The following VPS9D1 variants were observed in gnomAD, a reference collection of about 807,000 sequenced individuals.
VPS9D1 encodes the protein VPS9 domain-containing protein 1.
VPS9D1 carries 78 observed loss-of-function variants against 75.8 expected under a neutral mutation model. The observed-to-expected ratio is 1.03, with a 90% CI of 0.86 to 1.24. The LOEUF (loss-of-function observed/expected upper bound fraction) is 1.24, where lower values mean the gene tolerates loss of function less well. VPS9D1 is among the 50% of genes most tolerant of loss of function. The pLI, the probability that VPS9D1 is intolerant of heterozygous loss-of-function variation, is 0.00. For synonymous variants in VPS9D1, 481 were observed against 385.6 expected (o/e 1.25, Z -2.90); for missense variants, 1,057 against 847.7 (o/e 1.25, Z -3.07).
intron 4 of VPS9D1, among the ~76,000 whole-genome samples, chr16:89,713,988 G>A (rs886386036): frequency 5.3e-5 from 8 of 152,130 alleles, no homozygotes; most frequent in African/African-American, 9.7e-5. Context: ...CCAGGCTGGA[G>A]TGCAGTGACA....
chr16:89,713,756 C>T (rs2060996542), intron 4 of VPS9D1, among the ~76,000 whole-genome samples: 1 of 151,578 alleles, frequency 6.6e-6, no homozygotes, highest in Non-Finnish European at 1.5e-5. Flanking sequence ...CGCCTGTAAT[C>T]CCAGCACTTT....
chr16:89,711,477 C>T (rs1597909501), intron 8 of VPS9D1, 65 bp from the exon 9 acceptor site: 1 of 1,452,288 alleles, frequency 6.9e-7, no homozygotes, highest in Non-Finnish European at 9.4e-7. Context: ...CGCCTCATCT[C>T]CCACCAGTGC....
rs371035771 is a variant in VPS9D1, at chr16:89,710,989, C to T, written c.855G>A (p.Ala285=). The T allele has an allele frequency of 6.6e-5, 95 of 1,440,178 alleles. No homozygotes were observed. The African/African-American group carries it at 1.1e-3, about 16-fold the overall frequency. The allele number at this position is 1,440,178 out of a possible 1,614,324, so 89.2% of individuals were successfully genotyped here. A position where few individuals can be genotyped will look rare whatever the true frequency, so the allele number is the denominator to read the frequency against. Residue 285 remains alanine (A), a synonymous_variant, in exon 10 of 15, where the codon GCG becomes GCA. Coordinates refer to ENST00000389386, the MANE Select transcript of VPS9D1 (RefSeq NM_004913.3). ...AGCACTGCAGCCGCCTCAGGAGCTG[C>T]GCGATCGGGTGGTCGGGGAGGCTGC... ...HLLSLPDHPI[A]QLLRRLQCSV...
chr16:89,707,675 A>G lies in VPS9D1; in HGVS notation c.*186T>C. 1 of 584,456 alleles carries G rather than the reference A, an allele frequency of 1.7e-6. No individual in the cohort carries two copies. The highest frequency in any genetic ancestry group is 2.9e-5 in the East Asian group (1 of 34,626). 36.2% of individuals were successfully genotyped at this position (584,456 alleles called of 1,614,324 possible). A position where few individuals can be genotyped will look rare whatever the true frequency, so the allele number is the denominator to read the frequency against. On this transcript the variant is annotated 3_prime_UTR_variant, in exon 15 of 15. Coordinates refer to ENST00000389386, the MANE Select transcript of VPS9D1 (RefSeq NM_004913.3). ...GGCAGAGGTGCCAACCCCAAGCTCC[A>G]GGGTCAGATGTGAGGTGAGGAAGGT...
At chr16:89,715,515 C>T (rs1212053762) in intron 4 of VPS9D1, among the ~76,000 whole-genome samples, 6 of 151,656 alleles carry the variant, frequency 4.0e-5, no homozygotes, top group South Asian at 4.2e-4. Flanking sequence ...CGTGAGCCAC[C>T]GCGCCCGGTC....
Position 89,720,877 on chromosome 16 carries a change from A to AGGC in VPS9D1, c.-19_-17dup, listed in dbSNP as rs2061247238. ...CAGCGGCCATGGCGCCGAGCGGGGG[A>AGGC]GGCGGCGGCGGTAGCCGAGGGGCTG... is the stretch of plus-strand genomic sequence containing the variant. On this transcript the variant is annotated 5_prime_UTR_variant, in exon 1 of 15. Coordinates refer to ENST00000389386, the MANE Select transcript of VPS9D1 (RefSeq NM_004913.3). 1 of 1,349,056 alleles carries AGGC rather than the reference A, an allele frequency of 7.4e-7. No homozygotes were observed. Among genetic ancestry groups the AGGC allele is most frequent in the Non-Finnish European group, 9.5e-7 (1 of 1,047,402 alleles). 83.6% of individuals were successfully genotyped at this position (1,349,056 alleles called of 1,614,324 possible).
Position 89,715,407 on chromosome 16 carries a change from T to C in VPS9D1, c.431+1055A>G, listed in dbSNP as rs1026688745. ...ACGCCCAGCTAATTTTTTGTATTTT[T>C]AGTAGAGATGGGGTTTCACCTTGTT... is the stretch of plus-strand genomic sequence containing the variant. On this transcript the variant is annotated intron_variant, in intron 4 of 14. Transcript: ENST00000389386. 6.7e-4 allele frequency among the ~76,000 whole-genome samples: 102 copies of C among 152,014 alleles called. 1 individual carries two copies. Among genetic ancestry groups the C allele is most frequent in the Non-Finnish European group, 1.9e-4 (13 of 67,970 alleles).
At chr16:89,711,829 C>T (rs905711423) in intron 8 of VPS9D1, 53 bp downstream of exon 8, 79 of 1,537,334 alleles carry the variant, frequency 5.1e-5, no homozygotes, top group Non-Finnish European at 6.6e-5. Flanking sequence ...GGCTCTGACC[C>T]CGCCCCCCTC....
At chr16:89,717,550 C>T (rs991853645) in intron 2 of VPS9D1, 5 of 456,472 alleles carry the variant, frequency 1.1e-5, no homozygotes, top group Admixed American at 2.3e-5. Context: ...ACCGCCCCAG[C>T]GCCTGACCCA....
rs118114589 is a variant in VPS9D1 at position 89,716,797 on chromosome 16, G to A, written c.201C>T (p.Asp67=). The part of the protein sequence containing the change: ...TKEAGETVPP[D]TSKMLKLAQQ... ...GTGCTAGCTTCAGCATCTTGGAGGT[G>A]TCGGGGGGCACAGTTTCCCCAGCTT... Residue 67 remains aspartate (D), a synonymous_variant, in exon 3 of 15, where the codon GAC becomes GAT. Coordinates refer to ENST00000389386, the MANE Select transcript of VPS9D1 (RefSeq NM_004913.3). The A allele has an allele frequency of 0.024, 38,819 of 1,592,670 alleles. 705 individuals carry two copies. Among genetic ancestry groups the A allele is most frequent in the South Asian group, 0.076 (6,708 of 88,198 alleles).
intron 4 of VPS9D1, 58 bp from the exon 5 acceptor site, chr16:89,712,774 C>T: frequency 2.1e-6 from 3 of 1,408,720 alleles, no homozygotes; most frequent in African/African-American, 1.4e-5. Flanking sequence ...GTCTGGACAC[C>T]AGAGGAGTCT....
At chr16:89,708,589 C>T in intron 13 of VPS9D1, 58 bp from the exon 14 acceptor site, 2 of 1,541,682 alleles carry the variant, frequency 1.3e-6, no homozygotes, top group South Asian at 1.2e-5. Context: ...CTCCGCAAAC[C>T]CAGCAGCTGT....
intron 4 of VPS9D1, 43 bp downstream of exon 4, chr16:89,716,419 C>G (rs2061069887): frequency 1.2e-6 from 2 of 1,608,846 alleles, no homozygotes; most frequent in African/African-American, 1.3e-5. Flanking sequence ...GCCTCAAAAA[C>G]CCAATCCCAG....
At position 89,716,830 on chromosome 16, in the gene VPS9D1, A is replaced by G; in HGVS notation, c.176-8T>C. The G allele has an allele frequency of 6.3e-7, 1 of 1,582,282 alleles. No homozygotes were observed. Among genetic ancestry groups the G allele is most frequent in the Non-Finnish European group, 8.5e-7 (1 of 1,170,148 alleles). Reference sequence around the variant, plus strand: ...GCACAGTTTCCCCAGCTTCTGGGGGAGGGACAAGAAGGCTGGTCACAGTCG... The same window carrying G: ...GCACAGTTTCCCCAGCTTCTGGGGGGGGGACAAGAAGGCTGGTCACAGTCG... On this transcript the variant is annotated splice_polypyrimidine_tract_variant and splice_region_variant and intron_variant, in intron 2 of 14. Coordinates refer to ENST00000389386, the MANE Select transcript of VPS9D1 (RefSeq NM_004913.3).
At chr16:89,711,047 C>G in intron 9 of VPS9D1, 37 bp from the exon 10 acceptor site, 1 of 1,432,006 alleles carries the variant, frequency 7.0e-7, no homozygotes, top group Non-Finnish European at 9.1e-7. Context: ...CGGCCAGCCT[C>G]GGCCTCTCCG....
chr16:89,718,853 A>G (rs1012019115), intron 2 of VPS9D1, among the ~76,000 whole-genome samples, 174 bp downstream of exon 2: 1 of 151,786 alleles, frequency 6.6e-6, no homozygotes, highest in Non-Finnish European at 1.5e-5. Flanking sequence ...AGCTGGGACT[A>G]CAGACACCCG....
intron 4 of VPS9D1, among the ~76,000 whole-genome samples, chr16:89,714,217 C>T (rs1246427658): frequency 2.0e-5 from 3 of 152,190 alleles, no homozygotes; most frequent in South Asian, 4.1e-4. Context: ...GGATTACAGG[C>T]GGGAGCCACT....
intron 1 of VPS9D1, 59 bp downstream of exon 1, chr16:89,720,704 G>A: frequency 3.7e-6 from 5 of 1,338,320 alleles, no homozygotes; most frequent in Admixed American, 7.2e-5. Flanking sequence ...CCCTCCCCGG[G>A]CGGGGGTCCC....
intron 14 of VPS9D1, 58 bp downstream of exon 14, chr16:89,708,369 A>C: frequency 6.7e-7 from 1 of 1,501,166 alleles, no homozygotes; most frequent in South Asian, 1.2e-5. Flanking sequence ...GTTTAGGTTG[A>C]GGGATGAGGT....
Sources: allele counts gnomAD v4.1 joint callset (sites outside exome capture counted in the v4.1 genomes callset), GRCh38; gene constraint gnomAD v4.1.1; transcripts MANE v1.5; gene names NCBI Gene and HGNC (gene_info 2026-07-23, HGNC 2026-07-21).